The following KCMF1 variants were observed in gnomAD, a reference collection of about 807,000 sequenced individuals.
KCMF1 encodes the protein potassium channel modulatory factor 1.
In KCMF1, 3 loss-of-function variants were observed where a neutral mutation model predicts 41.1. The ratio of observed to expected loss-of-function variants is 0.07; its 90% CI spans 0.03 to 0.19. KCMF1 has a LOEUF of 0.19. Ranked by LOEUF, KCMF1 falls within the 10% of genes least tolerant of loss-of-function variation. The pLI is 1.00. For missense variants in KCMF1, 286 were observed against 488.9 expected, an observed-to-expected ratio of 0.58 and a Z score of 3.91; for synonymous variants, 142 against 164.5, an observed-to-expected ratio of 0.86 and a Z score of 1.04.
chr2:84,994,411 T>C (rs74565445), intron 1 of KCMF1, among the ~76,000 whole-genome samples: 1 of 149,228 alleles, frequency 6.7e-6, no homozygotes, highest in Non-Finnish European at 1.5e-5. Flanking sequence ...ACAATACTTC[T>C]TTTTTTTTTG....
rs1675902546 is a variant in KCMF1, at chr2:85,055,331, T to C, written c.*1922T>C. ...CTCTAATCCAGTATTTTTTTTCTTT[T>C]TATGCTAAACATGGGAGATCCTGGT... On this transcript the variant is annotated 3_prime_UTR_variant, in exon 7 of 7. Coordinates refer to ENST00000409785, the MANE Select transcript of KCMF1 (RefSeq NM_020122.5). 1 of 152,218 alleles carries C rather than the reference T, an allele frequency of 6.6e-6. No individual in the cohort carries two copies. Among genetic ancestry groups the C allele is most frequent in the Non-Finnish European group, 1.5e-5 (1 of 68,028 alleles). The allele number at this position is 152,218 out of a possible 1,614,324, so 9.4% of individuals were successfully genotyped here. A position where few individuals can be genotyped will look rare whatever the true frequency, so the allele number is the denominator to read the frequency against.
chr2:84,985,657 C>G (rs567696912), intron 1 of KCMF1, among the ~76,000 whole-genome samples: 3 of 152,010 alleles, frequency 2.0e-5, no homozygotes, highest in Admixed American at 2.0e-4. Flanking sequence ...GGTGAAACCC[C>G]GTCTCTACTA....
chr2:85,044,538 G>T (rs970337976), intron 4 of KCMF1, among the ~76,000 whole-genome samples: 1 of 152,050 alleles, frequency 6.6e-6, no homozygotes, highest in African/African-American at 2.4e-5. Context: ...ACCACACCCA[G>T]CTAATTTTTG....
At chr2:85,049,244 G>T (rs1558587744) in intron 5 of KCMF1, 122 bp from the exon 6 acceptor site, 2 of 934,798 alleles carry the variant, frequency 2.1e-6, no homozygotes, top group Middle Eastern at 3.1e-4. Flanking sequence ...TAAACTGTGT[G>T]CTGTGGTGGT....
intron 1 of KCMF1, among the ~76,000 whole-genome samples, chr2:85,003,662 C>G (rs1674391039): frequency 6.6e-6 from 1 of 151,964 alleles, no homozygotes; most frequent in East Asian, 1.9e-4. Context: ...CGATGTTACC[C>G]AGGTGGATCT....
chr2:85,045,901 A>T (rs1675656541), intron 4 of KCMF1, among the ~76,000 whole-genome samples: 1 of 151,990 alleles, frequency 6.6e-6, no homozygotes. Flanking sequence ...ACACACACAC[A>T]CTCACATGTT....
At chr2:84,999,885 A>AC (rs1464137384) in intron 1 of KCMF1, among the ~76,000 whole-genome samples, 4 of 152,134 alleles carry the variant, frequency 2.6e-5, no homozygotes, top group Non-Finnish European at 5.9e-5. Flanking sequence ...AGGAAATCTC[A>AC]CAGAAAACCT....
intron 3 of KCMF1, 129 bp downstream of exon 3, chr2:85,035,284 A>G: frequency 2.3e-6 from 2 of 881,324 alleles, no homozygotes; most frequent in Admixed American, 3.2e-5. Flanking sequence ...AGTTATTAAA[A>G]TCATCTTTTA....
chr2:84,977,430 T>G (rs1469703067), intron 1 of KCMF1, among the ~76,000 whole-genome samples: 1 of 152,106 alleles, frequency 6.6e-6, no homozygotes, highest in Admixed American at 6.6e-5. Flanking sequence ...CTTAAGACTT[T>G]TTCAGTTCGT....
At chr2:85,021,123 CCTAAAA>C (rs1405932848) in intron 1 of KCMF1, among the ~76,000 whole-genome samples, 1 of 152,142 alleles carries the variant, frequency 6.6e-6, no homozygotes, top group Non-Finnish European at 1.5e-5. Context: ...ATCCTCAGCA[CCTAAAA>C]CATATTACAT....
intron 3 of KCMF1, among the ~76,000 whole-genome samples, chr2:85,036,189 A>G (rs1222549984): frequency 6.6e-6 from 1 of 152,164 alleles, no homozygotes; most frequent in East Asian, 1.9e-4. Flanking sequence ...AGGTAAATTT[A>G]TTTTTTATAG....
At chr2:85,038,279 T>C (rs530931302) in intron 3 of KCMF1, among the ~76,000 whole-genome samples, 1 of 152,184 alleles carries the variant, frequency 6.6e-6, no homozygotes, top group Non-Finnish European at 1.5e-5. Context: ...AACAGAAAAT[T>C]AGACTGTAAT....
intron 1 of KCMF1, among the ~76,000 whole-genome samples, chr2:85,024,491 C>G (rs780776022): frequency 3.3e-5 from 5 of 149,452 alleles, no homozygotes; most frequent in Non-Finnish European, 5.9e-5. Flanking sequence ...AAAACAAAAA[C>G]AAAAGATGAA....
chr2:84,977,911 A>G (rs1299476019), intron 1 of KCMF1, among the ~76,000 whole-genome samples: 4 of 152,182 alleles, frequency 2.6e-5, no homozygotes, highest in Non-Finnish European at 4.4e-5. Context: ...GTTAAAATGT[A>G]GTAAAACATA....
Position 85,053,261 on chromosome 2 carries a change from G to A in KCMF1, c.998G>A (p.Ser333Asn), listed in dbSNP as rs1420291280. The part of the protein sequence containing the change: ...LLLSTLVREE[S>N]SSSDEDDRGE... The stretch of plus-strand genomic sequence containing the variant: ...CTGTCCACTTTAGTGCGTGAAGAGA[G>A]CTCATCCTCAGATGAGGATGATCGG... Residue 333 changes from serine (S) to asparagine (N), a missense_variant, in exon 7 of 7, where the codon AGC becomes AAC. Physicochemically the swap from Ser to Asn is conservative, Grantham distance 46. Transcript: ENST00000409785. The A allele has an allele frequency of 6.2e-7, 1 of 1,614,038 alleles. No homozygotes were observed. The highest frequency in any genetic ancestry group is 8.5e-7 in the Non-Finnish European group (1 of 1,179,900).
At chr2:84,981,162 A>G (rs1380262053) in intron 1 of KCMF1, among the ~76,000 whole-genome samples, 1 of 151,796 alleles carries the variant, frequency 6.6e-6, no homozygotes, top group Non-Finnish European at 1.5e-5. Context: ...TATCATGACT[A>G]ATTAGGTTTG....
At chr2:85,021,346 G>A (rs934667063) in intron 1 of KCMF1, among the ~76,000 whole-genome samples, 5 of 152,164 alleles carry the variant, frequency 3.3e-5, no homozygotes, top group African/African-American at 4.8e-5. Flanking sequence ...TACTGCAGCC[G>A]GGCGCGGTGG....
intron 1 of KCMF1, among the ~76,000 whole-genome samples, chr2:85,023,691 A>G (rs1675012009): frequency 6.6e-6 from 1 of 152,220 alleles, no homozygotes; most frequent in African/African-American, 2.4e-5. Context: ...CTAGGTGCAC[A>G]CAGACAAAAG....
At chr2:85,004,922 G>A (rs1022413016) in intron 1 of KCMF1, among the ~76,000 whole-genome samples, 8 of 151,916 alleles carry the variant, frequency 5.3e-5, no homozygotes, top group African/African-American at 9.7e-5. Flanking sequence ...TGCAACCTCC[G>A]CCTCCCGGAT....
Sources: gnomAD v4.1 joint callset for allele counts (sites outside exome capture counted in the v4.1 genomes callset) on GRCh38, gnomAD v4.1.1 for gene constraint, MANE v1.5 for transcripts, NCBI Gene and HGNC (gene_info 2026-07-23, HGNC 2026-07-21) for gene names.